Variants in TRABD2B observed in about 807,000 individuals in gnomAD.
TRABD2B encodes TraB domain containing 2B.
Under a neutral mutation model 40.1 loss-of-function variants are expected in TRABD2B, and 14 were observed. The ratio of observed to expected loss-of-function variants is 0.35; its 90% CI spans 0.23 to 0.55. The LOEUF (loss-of-function observed/expected upper bound fraction) is 0.55, where lower values mean the gene tolerates loss of function less well. Among genes scored for constraint, TRABD2B ranks in the 20% least tolerant of loss-of-function variants. TRABD2B has a pLI of 0.90. For synonymous variants in TRABD2B, 263 were observed against 277.0 expected, an observed-to-expected ratio of 0.95 and a Z score of 0.50; for missense variants, 541 against 648.6, an observed-to-expected ratio of 0.83 and a Z score of 1.80.
intron 3 of TRABD2B, among the ~76,000 whole-genome samples, chr1:47,796,756 C>T (rs766199799): frequency 2.0e-5 from 3 of 152,184 alleles, no homozygotes; most frequent in Non-Finnish European, 4.4e-5. Context: ...AGTGCCCAAT[C>T]AGAGTTGGCA....
intron 2 of TRABD2B, among the ~76,000 whole-genome samples, chr1:47,872,648 G>T (rs906915883): frequency 6.6e-6 from 1 of 152,200 alleles, no homozygotes; most frequent in African/African-American, 2.4e-5. Flanking sequence ...GGAAGAGTCA[G>T]AGAAGGACTG....
At chr1:47,854,198 A>C (rs534975548) in intron 2 of TRABD2B, among the ~76,000 whole-genome samples, 1 of 152,302 alleles carries the variant, frequency 6.6e-6, no homozygotes, top group African/African-American at 2.4e-5. Context: ...AAACTAGGAA[A>C]ATATATGTCA....
At chr1:47,797,015 A>G (rs72690385) in intron 3 of TRABD2B, among the ~76,000 whole-genome samples, 10,891 of 152,266 alleles carry the variant, frequency 0.072, 536 homozygotes, top group Non-Finnish European at 0.11. Flanking sequence ...TTGTCTAATC[A>G]GTGAATGAAT....
chr1:47,990,395 C>T (rs1645983310), intron 2 of TRABD2B, among the ~76,000 whole-genome samples: 1 of 152,120 alleles, frequency 6.6e-6, no homozygotes, highest in Non-Finnish European at 1.5e-5. Flanking sequence ...AGGTCTCAAG[C>T]TTGTCATAAG....
In TRABD2B at chr1:47,997,047, C is replaced by G; in HGVS notation, c.-258G>C. On this transcript the variant is annotated 5_prime_UTR_variant, in exon 1 of 7. Transcript: ENST00000606738. ...CGCTCAACCTCGCTGGCCGAGCCCC[C>G]GGGTGCTGAGGGCGTGTTGGGGTCC... is the stretch of plus-strand genomic sequence containing the variant. 6 of 984,508 alleles carry G rather than the reference C, an allele frequency of 6.1e-6. No individual in the cohort carries two copies. Among genetic ancestry groups the G allele is most frequent in the Non-Finnish European group, 7.2e-6 (6 of 829,634 alleles). 61.0% of individuals were successfully genotyped at this position (984,508 alleles called of 1,614,324 possible). A position where few individuals can be genotyped will look rare whatever the true frequency, so the allele number is the denominator to read the frequency against.
chr1:47,951,422 C>A (rs1487869890), intron 2 of TRABD2B, among the ~76,000 whole-genome samples: 1 of 152,206 alleles, frequency 6.6e-6, no homozygotes. Context: ...GAGCTCAGAG[C>A]ACTGGAGCCA....
At chr1:47,801,703 T>C in intron 2 of TRABD2B, 84 bp from the exon 3 acceptor site, 1 of 1,454,970 alleles carries the variant, frequency 6.9e-7, no homozygotes. Context: ...CCCTCTGGAC[T>C]TCAGAGCAAC....
chr1:47,833,097 A>C (rs930739020), intron 2 of TRABD2B, among the ~76,000 whole-genome samples: 1 of 152,222 alleles, frequency 6.6e-6, no homozygotes, highest in Non-Finnish European at 1.5e-5. Context: ...TATTTTAGCA[A>C]ATCAGAATTC....
At chr1:47,985,863 G>A (rs1038803178) in intron 2 of TRABD2B, among the ~76,000 whole-genome samples, 2 of 152,124 alleles carry the variant, frequency 1.3e-5, no homozygotes, top group Non-Finnish European at 2.9e-5. Flanking sequence ...GGTCCTCAGG[G>A]GCCTTTACCA....
intron 2 of TRABD2B, among the ~76,000 whole-genome samples, chr1:47,938,151 G>A (rs1570325498): frequency 6.6e-6 from 1 of 152,356 alleles, no homozygotes; most frequent in East Asian, 1.9e-4. Context: ...AGGCCTGGAA[G>A]AGACTAGAAA....
chr1:47,842,019 G>A (rs551676909), intron 2 of TRABD2B, among the ~76,000 whole-genome samples: 1 of 152,098 alleles, frequency 6.6e-6, no homozygotes, highest in Non-Finnish European at 1.5e-5. Context: ...TGATCCACCC[G>A]CCTCAGCCTC....
chr1:47,766,872 C>T (rs1227300198), intron 6 of TRABD2B, among the ~76,000 whole-genome samples: 7 of 152,178 alleles, frequency 4.6e-5, no homozygotes, highest in Non-Finnish European at 7.3e-5. Context: ...TTGGAAATAA[C>T]AGGTGAGATT....
chr1:47,828,901 C>T (rs1181188135), intron 2 of TRABD2B, among the ~76,000 whole-genome samples: 3 of 152,216 alleles, frequency 2.0e-5, no homozygotes, highest in East Asian at 3.9e-4. Flanking sequence ...CCCTTCCCCA[C>T]GAGCCTCTCA....
intron 2 of TRABD2B, among the ~76,000 whole-genome samples, chr1:47,933,410 C>A (rs1317023738): frequency 6.6e-6 from 1 of 152,158 alleles, no homozygotes; most frequent in Non-Finnish European, 1.5e-5. Context: ...CCACACCCAA[C>A]CTCTCCTGTC....
intron 4 of TRABD2B, among the ~76,000 whole-genome samples, chr1:47,781,833 T>C (rs1033985183): frequency 5.3e-5 from 8 of 152,210 alleles, no homozygotes; most frequent in African/African-American, 1.9e-4. Context: ...CCCTGCCCTC[T>C]CTGGGCTTGG....
In TRABD2B at chr1:47,969,140, C is replaced by A. The variant is rs548185267; in HGVS notation, c.666+24894G>T. 2.6e-5 allele frequency among the ~76,000 whole-genome samples: 4 copies of A among 152,334 alleles called. 1 individual carries two copies. Among genetic ancestry groups the A allele is most frequent in the African/African-American group, 7.2e-5 (3 of 41,568 alleles). On this transcript the variant is annotated intron_variant, in intron 2 of 6. Coordinates refer to ENST00000606738, the MANE Select transcript of TRABD2B (RefSeq NM_001194986.2). ...CTCGTTAACATAGGAGCTCTGCTCA[C>A]CATTCCCAGCCCAGGCTATTATCAC...
chr1:47,979,272 G>C (rs148708282), intron 2 of TRABD2B, among the ~76,000 whole-genome samples: 16 of 152,330 alleles, frequency 1.1e-4, no homozygotes, highest in African/African-American at 3.8e-4. Context: ...GCTACACACA[G>C]GGTCCCTGCA....
chr1:47,856,458 A>T (rs190476621), intron 2 of TRABD2B, among the ~76,000 whole-genome samples: 181 of 152,372 alleles, frequency 1.2e-3, no homozygotes, highest in African/African-American at 3.8e-3. Context: ...TCTTGGATTT[A>T]GGATATGTTT....
At chr1:47,854,584 G>A (rs995030412) in intron 2 of TRABD2B, among the ~76,000 whole-genome samples, 1 of 151,636 alleles carries the variant, frequency 6.6e-6, no homozygotes, top group African/African-American at 2.4e-5. Flanking sequence ...AGTGTAGGGT[G>A]CCACAAGCCA....
Sources: gnomAD v4.1 joint callset for allele counts (sites outside exome capture counted in the v4.1 genomes callset) on GRCh38, gnomAD v4.1.1 for gene constraint, MANE v1.5 for transcripts, NCBI Gene and HGNC (gene_info 2026-07-23, HGNC 2026-07-21) for gene names.